LARGE1: variants seen among roughly 807,000 people sequenced by gnomAD.
The protein encoded by LARGE1 is LARGE xylosyl- and glucuronyltransferase 1.
Under a neutral mutation model 87.6 loss-of-function variants are expected in LARGE1, and 43 were observed. The observed-to-expected ratio is 0.49, with a 90% CI of 0.38 to 0.63. LARGE1 has a LOEUF of 0.63. Ranked by LOEUF, LARGE1 falls within the 30% of genes least tolerant of loss-of-function variation. The pLI is 0.00. For synonymous variants in LARGE1, 434 were observed against 394.6 expected (o/e 1.10, Z -1.18); for missense variants, 802 against 1,000.2 (o/e 0.80, Z 2.67).
chr22:33,609,457 G>A (rs1264676481), intron 4 of LARGE1, among the ~76,000 whole-genome samples: 1 of 152,192 alleles, frequency 6.6e-6, no homozygotes, highest in Non-Finnish European at 1.5e-5. Context: ...ATGACATTTT[G>A]GTAGTGAAGA....
intron 1 of LARGE1, among the ~76,000 whole-genome samples, chr22:33,908,999 T>C (rs573621383): frequency 2.6e-5 from 4 of 152,272 alleles, no homozygotes; most frequent in East Asian, 1.9e-4. Context: ...ATACCCCTTA[T>C]TGGGTGCCAT....
intron 9 of LARGE1, among the ~76,000 whole-genome samples, chr22:33,357,087 T>G (rs1053397329): frequency 6.6e-6 from 1 of 152,238 alleles, no homozygotes; most frequent in Non-Finnish European, 1.5e-5. Flanking sequence ...GCAGCACTAT[T>G]CACAATAGCA....
intron 11 of LARGE1, among the ~76,000 whole-genome samples, chr22:33,194,287 C>G (rs564775066): frequency 6.6e-6 from 1 of 152,184 alleles, no homozygotes; most frequent in South Asian, 2.1e-4. Context: ...GAAAAGAGTT[C>G]TAAACAAAGA....
At chr22:33,567,908 C>T (rs1381105839) in intron 5 of LARGE1, among the ~76,000 whole-genome samples, 1 of 152,192 alleles carries the variant, frequency 6.6e-6, no homozygotes, top group Non-Finnish European at 1.5e-5. Context: ...TAATGGCCTC[C>T]AGCTCCATCC....
intron 1 of LARGE1, among the ~76,000 whole-genome samples, chr22:33,776,217 T>C (rs2085232252): frequency 1.3e-5 from 2 of 152,196 alleles, no homozygotes; most frequent in African/African-American, 2.4e-5. Flanking sequence ...ACCCTTTGTA[T>C]TGTTGCACAC....
At chr22:33,803,690 A>G (rs970691639) in intron 1 of LARGE1, among the ~76,000 whole-genome samples, 5 of 152,234 alleles carry the variant, frequency 3.3e-5, no homozygotes, top group Non-Finnish European at 7.3e-5. Context: ...CTCTCCCAGT[A>G]GAGTCACACA....
chr22:33,450,603 TTAAA>T (rs10605303), intron 6 of LARGE1, among the ~76,000 whole-genome samples: 23,086 of 149,210 alleles, frequency 0.15, 2,194 homozygotes, highest in Admixed American at 0.27. Context: ...CAAGATTCTG[TTAAA>T]TAAATAAATA....
At chr22:33,495,078 A>G (rs2148319697) in intron 6 of LARGE1, among the ~76,000 whole-genome samples, 1 of 152,076 alleles carries the variant, frequency 6.6e-6, no homozygotes, top group East Asian at 1.9e-4. Context: ...ACATGATTCC[A>G]CTGCCTAACA....
At chr22:33,652,177 A>C (rs2080838822) in intron 2 of LARGE1, among the ~76,000 whole-genome samples, 1 of 152,106 alleles carries the variant, frequency 6.6e-6, no homozygotes, top group Non-Finnish European at 1.5e-5. Flanking sequence ...TCTGTCTCAA[A>C]ACAAAAAACA....
In LARGE1 at chr22:33,626,224, A is replaced by G. The variant is rs375262500; in HGVS notation, c.491+20T>C. 106 of 1,608,134 alleles carry G rather than the reference A, an allele frequency of 6.6e-5. No individual in the cohort carries two copies. Among genetic ancestry groups the G allele is most frequent in the African/African-American group, 1.6e-4 (12 of 74,850 alleles). On this transcript the variant is annotated intron_variant, in intron 4 of 14. Coordinates refer to ENST00000397394, the MANE Select transcript of LARGE1 (RefSeq NM_133642.5). ...GGCAGTGACAGACCTCAGCCCACAC[A>G]GCACAGAAGTTGTTCTTACCTATGG...
intron 6 of LARGE1, among the ~76,000 whole-genome samples, chr22:33,450,788 C>G (rs1329170955): frequency 2.0e-5 from 3 of 152,082 alleles, no homozygotes; most frequent in African/African-American, 7.2e-5. Flanking sequence ...AAGGCCAGAA[C>G]CCTTGTTTCC....
intron 1 of LARGE1, among the ~76,000 whole-genome samples, chr22:33,852,438 G>A (rs187353906): frequency 1.3e-5 from 2 of 152,218 alleles, no homozygotes; most frequent in East Asian, 1.9e-4. Flanking sequence ...GCACAAGATC[G>A]ATAAAGATTT....
At chr22:33,112,359 G>A in the LARGE1 span, among the ~76,000 whole-genome samples, 2 of 152,206 alleles carry the variant, frequency 1.3e-5, no homozygotes, top group African/African-American at 4.8e-5. Context: ...ATGGAGGACA[G>A]TAATAGTATG....
intron 1 of LARGE1, among the ~76,000 whole-genome samples, chr22:33,763,535 C>G (rs1360225931): frequency 6.6e-6 from 1 of 152,108 alleles, no homozygotes; most frequent in Non-Finnish European, 1.5e-5. Context: ...AGAATAAGAA[C>G]CACCAAGTCC....
intron 2 of LARGE1, among the ~76,000 whole-genome samples, chr22:33,676,371 G>GAAA (rs1409998707): frequency 1.1e-4 from 2 of 17,532 alleles, no homozygotes; most frequent in Non-Finnish European, 2.8e-4. Context: ...AGATTCAATG[G>GAAA]CAAAAAAAAA....
downstream of LARGE1, among the ~76,000 whole-genome samples, chr22:33,160,184 C>T (rs946826239): frequency 1.3e-5 from 2 of 152,172 alleles, no homozygotes; most frequent in Non-Finnish European, 2.9e-5. Context: ...GTTCAATGTT[C>T]TAAATGCTGA....
intron 2 of LARGE1, among the ~76,000 whole-genome samples, chr22:33,676,603 TAAG>T (rs1170562757): frequency 6.7e-6 from 1 of 148,800 alleles, no homozygotes; most frequent in Non-Finnish European, 1.5e-5. Flanking sequence ...AAAAAAAAAA[TAAG>T]AAAATCAACA....
At chr22:33,167,545 T>C (rs532455331) in intron 11 of LARGE1, among the ~76,000 whole-genome samples, 30 of 152,270 alleles carry the variant, frequency 2.0e-4, no homozygotes, top group African/African-American at 7.2e-4. Flanking sequence ...CCATTCTATG[T>C]TTCAATTTAT....
chr22:33,638,501 G>A (rs2080335369), intron 3 of LARGE1, among the ~76,000 whole-genome samples: 1 of 152,160 alleles, frequency 6.6e-6, no homozygotes, highest in Admixed American at 6.6e-5. Context: ...CTGCAGAGGT[G>A]AGGCCCCTGT....
Sources: gnomAD v4.1 joint callset for allele counts (sites outside exome capture counted in the v4.1 genomes callset) on GRCh38, gnomAD v4.1.1 for gene constraint, MANE v1.5 for transcripts, NCBI Gene and HGNC (gene_info 2026-07-23, HGNC 2026-07-21) for gene names.